The following COP1 variants were observed in gnomAD, a reference collection of about 807,000 sequenced individuals.
COP1 encodes E3 ubiquitin-protein ligase COP1.
A neutral mutation model predicts 101.3 loss-of-function variants in COP1; 24 were observed. That is an observed-to-expected ratio of 0.24 (90% CI 0.17 to 0.33). COP1 has a LOEUF of 0.33. COP1 is among the 10% of genes least tolerant of loss of function. The pLI, the probability that COP1 is intolerant of heterozygous loss-of-function variation, is 1.00. For synonymous variants in COP1, 347 were observed against 341.9 expected (o/e 1.01, Z -0.17); for missense variants, 663 against 906.2 (o/e 0.73, Z 3.45).
At chr1:176,137,220 C>A (rs1041594614) in intron 6 of COP1, among the ~76,000 whole-genome samples, 12 of 152,120 alleles carry the variant, frequency 7.9e-5, no homozygotes, top group Non-Finnish European at 1.6e-4. Context: ...ATTTTCCATG[C>A]CACTAAAATG....
chr1:175,990,386 C>A (rs1308086585), intron 15 of COP1, among the ~76,000 whole-genome samples: 2 of 151,982 alleles, frequency 1.3e-5, no homozygotes, highest in Non-Finnish European at 2.9e-5. Flanking sequence ...AATTTATTGA[C>A]TTATTTTTAG....
chr1:176,149,122 G>A lies in COP1; in HGVS notation c.763-48C>T, dbSNP rs769016168. On this transcript the variant is annotated intron_variant, in intron 5 of 19. Coordinates refer to ENST00000367669, the MANE Select transcript of COP1 (RefSeq NM_022457.7). Reference sequence around the variant, plus strand: ...TTCTTTTAAAAAATATAACTGAGTTGAAAGTTTTCTTTAACACCATAGCAT... The same window carrying A: ...TTCTTTTAAAAAATATAACTGAGTTAAAAGTTTTCTTTAACACCATAGCAT... 8.7e-6 allele frequency: 11 copies of A among 1,263,106 alleles called. No individual in the cohort carries two copies. The Admixed American group carries it at 2.0e-4, about 23-fold the overall frequency. 78.2% of individuals were successfully genotyped at this position (1,263,106 alleles called of 1,614,324 possible). A position where few individuals can be genotyped will look rare whatever the true frequency, so the allele number is the denominator to read the frequency against.
chr1:176,078,208 C>T (rs1678424025), intron 11 of COP1, among the ~76,000 whole-genome samples: 1 of 152,112 alleles, frequency 6.6e-6, no homozygotes, highest in South Asian at 2.1e-4. Flanking sequence ...GCAAAATGAA[C>T]ATACCTGGAG....
intron 1 of COP1, among the ~76,000 whole-genome samples, chr1:176,192,840 T>C (rs988557987): frequency 6.6e-6 from 1 of 152,068 alleles, no homozygotes; most frequent in African/African-American, 2.4e-5. Flanking sequence ...GCATGGGAGA[T>C]GTGTTCCTTG....
chr1:176,022,940 C>T (rs996280271), intron 15 of COP1, among the ~76,000 whole-genome samples: 5 of 152,164 alleles, frequency 3.3e-5, no homozygotes, highest in African/African-American at 1.2e-4. Context: ...ATTTTATGGT[C>T]GTTCTCCTTG....
chr1:175,981,977 C>T (rs1655968676), intron 18 of COP1, among the ~76,000 whole-genome samples: 1 of 151,934 alleles, frequency 6.6e-6, no homozygotes. Context: ...ATCAAAAAGA[C>T]AAATGACATC....
At chr1:176,054,846 C>T (rs1673172424) in intron 11 of COP1, among the ~76,000 whole-genome samples, 1 of 152,256 alleles carries the variant, frequency 6.6e-6, no homozygotes. Flanking sequence ...TATTGCTTTC[C>T]TAATACCATA....
chr1:176,126,604 G>A (rs575166425), intron 8 of COP1, among the ~76,000 whole-genome samples: 2 of 152,064 alleles, frequency 1.3e-5, no homozygotes, highest in South Asian at 2.1e-4. Context: ...ATGCAGGTAC[G>A]CGCCACCATG....
At chr1:176,187,468 CA>C (rs1698618817) in intron 1 of COP1, among the ~76,000 whole-genome samples, 1 of 151,950 alleles carries the variant, frequency 6.6e-6, no homozygotes, top group Non-Finnish European at 1.5e-5. Context: ...AGGCTGTTCT[CA>C]AACTCCTGGG....
At chr1:176,031,833 T>C (rs1668693892) in intron 14 of COP1, among the ~76,000 whole-genome samples, 1 of 152,198 alleles carries the variant, frequency 6.6e-6, no homozygotes, top group Non-Finnish European at 1.5e-5. Flanking sequence ...AAAATCCAAC[T>C]ACACTACAGA....
chr1:176,029,752 G>A (rs551306688), intron 14 of COP1, among the ~76,000 whole-genome samples: 40 of 152,310 alleles, frequency 2.6e-4, no homozygotes, highest in African/African-American at 8.7e-4. Context: ...CCTGTAGACA[G>A]CAGTGAATAA....
At chr1:176,077,455 G>A (rs144738382) in intron 11 of COP1, among the ~76,000 whole-genome samples, 3 of 152,086 alleles carry the variant, frequency 2.0e-5, no homozygotes, top group East Asian at 1.9e-4. Flanking sequence ...CCAACATCCC[G>A]TCATGATAAC....
chr1:176,175,790 T>C, intron 3 of COP1, 120 bp downstream of exon 3: 1 of 533,550 alleles, frequency 1.9e-6, no homozygotes, highest in Non-Finnish European at 3.3e-6. Flanking sequence ...GAAAGCACTG[T>C]GGTATACAGT....
chr1:176,187,781 G>A (rs1698655714), intron 1 of COP1, among the ~76,000 whole-genome samples: 1 of 152,144 alleles, frequency 6.6e-6, no homozygotes. Flanking sequence ...TATTCACTGA[G>A]TGGCAGAATA....
chr1:176,174,082 T>TA (rs1275420529), intron 3 of COP1, among the ~76,000 whole-genome samples: 1 of 135,294 alleles, frequency 7.4e-6, no homozygotes, highest in East Asian at 2.7e-4. Context: ...TCCATACTCA[T>TA]ATATAACTCT....
At chr1:176,057,546 G>A (rs1335209422) in intron 11 of COP1, among the ~76,000 whole-genome samples, 2 of 151,762 alleles carry the variant, frequency 1.3e-5, no homozygotes, top group African/African-American at 2.4e-5. Context: ...TGTGTTGGCC[G>A]GGCTGGTCTC....
At chr1:176,073,574 G>A (rs1363393866) in intron 11 of COP1, among the ~76,000 whole-genome samples, 6 of 152,160 alleles carry the variant, frequency 3.9e-5, no homozygotes, top group Admixed American at 3.3e-4. Context: ...ATTGCTGTGT[G>A]TAAAAAGAAT....
intron 1 of COP1, among the ~76,000 whole-genome samples, chr1:176,184,900 T>C (rs1012749175): frequency 6.6e-6 from 1 of 152,122 alleles, no homozygotes; most frequent in Non-Finnish European, 1.5e-5. Flanking sequence ...AGGATGACCC[T>C]AAGGGTCACT....
At chr1:176,100,087 T>C (rs1683123309) in intron 9 of COP1, among the ~76,000 whole-genome samples, 1 of 152,186 alleles carries the variant, frequency 6.6e-6, no homozygotes, top group African/African-American at 2.4e-5. Flanking sequence ...CATGATTTGT[T>C]TTTTAACAAA....
Sources: allele counts gnomAD v4.1 joint callset (sites outside exome capture counted in the v4.1 genomes callset), GRCh38; gene constraint gnomAD v4.1.1; transcripts MANE v1.5; gene names NCBI Gene and HGNC (gene_info 2026-07-23, HGNC 2026-07-21).